The following CADM2 variants were observed in gnomAD, a reference collection of about 807,000 sequenced individuals.
CADM2 encodes the protein cell adhesion molecule 2.
CADM2 carries 12 observed loss-of-function variants against 49.8 expected under a neutral mutation model. The observed-to-expected ratio is 0.24, with a 90% confidence interval of 0.15 to 0.39. CADM2 has a LOEUF of 0.39. CADM2 is among the 10% of genes least tolerant of loss of function. The pLI is 1.00. For missense variants in CADM2, 378 were observed against 492.3 expected (o/e 0.77, Z 2.20); for synonymous variants, 214 against 175.4 (o/e 1.22, Z -1.74).
At chr3:85,189,016 T>C (rs551970965) in intron 1 of CADM2, among the ~76,000 whole-genome samples, 318 of 151,102 alleles carry the variant, frequency 2.1e-3, no homozygotes, top group Middle Eastern at 0.01. Context: ...GGGCAACAGA[T>C]TGTGACTCCG....
chr3:85,500,475 T>C (rs184696250), intron 1 of CADM2, among the ~76,000 whole-genome samples: 1 of 152,130 alleles, frequency 6.6e-6, no homozygotes, highest in African/African-American at 2.4e-5. Context: ...GGCTTATTGG[T>C]TTTGATGAAA....
At chr3:85,982,588 C>T (rs1011183040) in intron 8 of CADM2, among the ~76,000 whole-genome samples, 3 of 151,676 alleles carry the variant, frequency 2.0e-5, no homozygotes, top group African/African-American at 7.3e-5. Flanking sequence ...ACCAGACTCA[C>T]CTGCATCATT....
At chr3:85,397,150 A>G (rs2107421563) in intron 1 of CADM2, among the ~76,000 whole-genome samples, 1 of 152,324 alleles carries the variant, frequency 6.6e-6, no homozygotes, top group African/African-American at 2.4e-5. Context: ...TAAACACAAA[A>G]AAGATGCCCA....
intron 1 of CADM2, among the ~76,000 whole-genome samples, chr3:85,473,362 T>C (rs2038848039): frequency 6.6e-6 from 1 of 152,036 alleles, no homozygotes; most frequent in Non-Finnish European, 1.5e-5. Flanking sequence ...GACAAGTAGC[T>C]CCTGTGTTTT....
intron 1 of CADM2, among the ~76,000 whole-genome samples, chr3:85,219,759 G>T (rs188854893): frequency 4.4e-4 from 67 of 152,076 alleles, no homozygotes; most frequent in African/African-American, 1.6e-3. Flanking sequence ...CCTCTTTAAA[G>T]AAACTATTTT....
chr3:85,610,952 A>C (rs1327244161), intron 1 of CADM2, among the ~76,000 whole-genome samples: 1 of 151,946 alleles, frequency 6.6e-6, no homozygotes, highest in Non-Finnish European at 1.5e-5. Context: ...TCTGGATGTC[A>C]GGATGTAACA....
intron 1 of CADM2, among the ~76,000 whole-genome samples, chr3:85,404,105 C>G (rs563569522): frequency 6.6e-6 from 1 of 152,228 alleles, no homozygotes; most frequent in South Asian, 2.1e-4. Context: ...TGCACCTTAT[C>G]TCATTGTGTT....
chr3:85,461,388 G>A (rs193227404), intron 1 of CADM2, among the ~76,000 whole-genome samples: 71 of 152,214 alleles, frequency 4.7e-4, no homozygotes, highest in Admixed American at 4.0e-3. Context: ...ATTATTTGAA[G>A]TGTAAGTTTC....
At chr3:85,650,456 A>G (rs1271615479) in intron 1 of CADM2, among the ~76,000 whole-genome samples, 1 of 151,230 alleles carries the variant, frequency 6.6e-6, no homozygotes, top group Non-Finnish European at 1.5e-5. Context: ...GTGTGTAACT[A>G]TGTGTTAGTG....
intron 1 of CADM2, among the ~76,000 whole-genome samples, chr3:85,518,277 C>T (rs539267563): frequency 6.6e-6 from 1 of 152,324 alleles, no homozygotes; most frequent in African/African-American, 2.4e-5. Context: ...AGGCATGGGC[C>T]ACCACGTCTA....
chr3:85,637,373 C>CG (rs2064530489), intron 1 of CADM2, among the ~76,000 whole-genome samples: 1 of 150,922 alleles, frequency 6.6e-6, no homozygotes, highest in African/African-American at 2.4e-5. Context: ...GAGGCCGAGG[C>CG]GGGTGGATCA....
intron 1 of CADM2, among the ~76,000 whole-genome samples, chr3:85,244,436 G>C (rs371424976): frequency 6.6e-6 from 1 of 152,046 alleles, no homozygotes; most frequent in East Asian, 1.9e-4. Flanking sequence ...GAGAACTTCA[G>C]GTTAAATAAC....
intron 1 of CADM2, among the ~76,000 whole-genome samples, chr3:85,587,775 T>A (rs527728643): frequency 6.6e-6 from 1 of 152,032 alleles, no homozygotes; most frequent in Non-Finnish European, 1.5e-5. Context: ...GACAGGATTT[T>A]GCTCTGTCAC....
rs187174855 is a variant in CADM2 at position 86,068,692 on chromosome 3, A to C, written c.*1909A>C. On this transcript the variant is annotated 3_prime_UTR_variant, in exon 10 of 10. Coordinates refer to ENST00000383699, the MANE Select transcript of CADM2 (RefSeq NM_001167675.2). ...CTTGTTGATTTCTTACAAAAGAAAAAGGACGATGTCAGTCAAGCAGCACTT... is the reference window on the plus strand; with the variant it reads ...CTTGTTGATTTCTTACAAAAGAAAACGGACGATGTCAGTCAAGCAGCACTT... 3.9e-5 allele frequency: 6 copies of C among 152,504 alleles called. No individual in the cohort carries two copies. Among genetic ancestry groups the C allele is most frequent in the African/African-American group, 1.4e-4 (6 of 41,570 alleles). 9.4% of individuals were successfully genotyped at this position (152,504 alleles called of 1,614,324 possible).
chr3:85,212,810 TTC>T (rs1221512452), intron 1 of CADM2, among the ~76,000 whole-genome samples: 10 of 102,182 alleles, frequency 9.8e-5, no homozygotes, highest in African/African-American at 2.6e-4. Context: ...CTTCTTTTTC[TTC>T]TCTTTCTTTC....
At chr3:85,186,032 G>T (rs1332090615) in intron 1 of CADM2, among the ~76,000 whole-genome samples, 1 of 152,296 alleles carries the variant, frequency 6.6e-6, no homozygotes, top group East Asian at 1.9e-4. Flanking sequence ...AAGGCAGCAG[G>T]CCTCAGCACG....
intron 1 of CADM2, among the ~76,000 whole-genome samples, chr3:85,175,670 G>A (rs944707039): frequency 1.3e-5 from 2 of 151,986 alleles, no homozygotes; most frequent in Non-Finnish European, 2.9e-5. Context: ...AATGAATGGT[G>A]GTGACAACAA....
chr3:85,111,411 C>T (rs945730650), intron 1 of CADM2, among the ~76,000 whole-genome samples: 1 of 151,788 alleles, frequency 6.6e-6, no homozygotes, highest in Non-Finnish European at 1.5e-5. Flanking sequence ...ATATATGAGG[C>T]TGCCTATTAT....
chr3:85,158,116 A>G (rs899242865), intron 1 of CADM2, among the ~76,000 whole-genome samples: 4 of 152,220 alleles, frequency 2.6e-5, no homozygotes, highest in African/African-American at 2.4e-5. Flanking sequence ...GCCATCAGAG[A>G]AATGCAAATC....
Sources: gnomAD v4.1 joint callset for allele counts (sites outside exome capture counted in the v4.1 genomes callset) on GRCh38, gnomAD v4.1.1 for gene constraint, MANE v1.5 for transcripts, NCBI Gene and HGNC (gene_info 2026-07-23, HGNC 2026-07-21) for gene names.